RPRD1A: variants seen among roughly 807,000 people sequenced by gnomAD.
The protein encoded by RPRD1A is regulation of nuclear pre-mRNA domain containing 1A.
Under a neutral mutation model 37.8 loss-of-function variants are expected in RPRD1A, and 9 were observed. The observed-to-expected ratio is 0.24, with a 90% CI of 0.14 to 0.42. The LOEUF (loss-of-function observed/expected upper bound fraction) is 0.42, where lower values mean the gene tolerates loss of function less well. RPRD1A is among the 10% of genes least tolerant of loss of function. The pLI, the probability that RPRD1A is intolerant of heterozygous loss-of-function variation, is 1.00. For synonymous variants in RPRD1A, 138 were observed against 139.7 expected (o/e 0.99, Z 0.08); for missense variants, 255 against 371.0 (o/e 0.69, Z 2.57).
chr18:36,035,809 G>A (rs996370288), intron 1 of RPRD1A, among the ~76,000 whole-genome samples: 5 of 152,198 alleles, frequency 3.3e-5, no homozygotes, highest in Non-Finnish European at 5.9e-5. Flanking sequence ...GAATCTCCAG[G>A]ACATCATGCC....
In RPRD1A at chr18:36,027,178, T is replaced by C; in HGVS notation, c.613+6A>G. 3 of 1,613,780 alleles carry C rather than the reference T, an allele frequency of 1.9e-6. No individual in the cohort carries two copies. The highest frequency in any genetic ancestry group is 2.5e-6 in the Non-Finnish European group (3 of 1,179,764). On this transcript the variant is annotated splice_donor_region_variant and intron_variant, in intron 5 of 6. Transcript: ENST00000399022. ...AAAAGTTCTGGATCACATTTTCTTT[T>C]CTTACCTGTTATTTTATCTAATAGA... is the stretch of plus-strand genomic sequence containing the variant.
At chr18:36,038,552 T>C (rs554994783) in intron 1 of RPRD1A, among the ~76,000 whole-genome samples, 4 of 152,358 alleles carry the variant, frequency 2.6e-5, no homozygotes, top group African/African-American at 9.6e-5. Context: ...GAATCTCTGC[T>C]GGGGCAGTGC....
intron 1 of RPRD1A, among the ~76,000 whole-genome samples, chr18:36,062,537 AC>A (rs1041799870): frequency 6.6e-6 from 1 of 152,198 alleles, no homozygotes; most frequent in African/African-American, 2.4e-5. Flanking sequence ...AACAACTCGA[AC>A]GTCTATCAAC....
At chr18:36,024,843 C>T (rs1911249106) in intron 6 of RPRD1A, 1 of 152,214 alleles carries the variant, frequency 6.6e-6, no homozygotes, top group African/African-American at 2.4e-5. Context: ...TCCACATCTT[C>T]TACAAAGGAA....
intron 6 of RPRD1A, among the ~76,000 whole-genome samples, chr18:36,005,218 G>A (rs1909672116): frequency 6.6e-6 from 1 of 151,836 alleles, no homozygotes; most frequent in South Asian, 2.1e-4. Context: ...GGAGAATGGC[G>A]TGAGCCCGGG....
At chr18:36,008,577 G>GTGTGTATT in intron 6 of RPRD1A, among the ~76,000 whole-genome samples, 1 of 47,800 alleles carries the variant, frequency 2.1e-5, no homozygotes, top group Non-Finnish European at 4.3e-5. Flanking sequence ...CCTTGTGTGT[G>GTGTGTATT]TATATATATA....
rs551199850 is a variant in RPRD1A at position 36,060,889 on chromosome 18, G to A, written c.151+6365C>T. ...TGCACCTGTAGTCCCAGCTACTCGGGAGGCTGAGGCAGGAAGATCACCTGA... is the reference window on the plus strand; with the variant it reads ...TGCACCTGTAGTCCCAGCTACTCGGAAGGCTGAGGCAGGAAGATCACCTGA... On this transcript the variant is annotated intron_variant, in intron 1 of 6. Transcript: ENST00000399022. Among the ~76,000 whole-genome samples, 160 of 152,178 alleles carry A rather than the reference G, an allele frequency of 1.1e-3. 1 individual carries two copies. The highest frequency in any genetic ancestry group is 3.3e-3 in the African/African-American group (135 of 41,514).
chr18:36,024,490 T>C (rs764243250), intron 6 of RPRD1A, among the ~76,000 whole-genome samples: 10 of 152,058 alleles, frequency 6.6e-5, no homozygotes, highest in Non-Finnish European at 1.0e-4. Flanking sequence ...TAACCAACTA[T>C]AGTCAGAAGT....
chr18:36,020,310 C>T (rs1003981922), intron 6 of RPRD1A, among the ~76,000 whole-genome samples: 3 of 152,054 alleles, frequency 2.0e-5, no homozygotes, highest in South Asian at 2.1e-4. Flanking sequence ...AAAGAGTGTG[C>T]GCATCTAGGG....
At chr18:36,036,643 A>G (rs1912212137) in intron 1 of RPRD1A, among the ~76,000 whole-genome samples, 2 of 152,216 alleles carry the variant, frequency 1.3e-5, no homozygotes, top group Non-Finnish European at 2.9e-5. Flanking sequence ...TCAGGGAAAG[A>G]AATTTACTTC....
At chr18:35,998,605 A>C (rs1293536069) in intron 6 of RPRD1A, among the ~76,000 whole-genome samples, 1 of 152,072 alleles carries the variant, frequency 6.6e-6, no homozygotes, top group Non-Finnish European at 1.5e-5. Flanking sequence ...AGCAACCCTC[A>C]TGTCAGTTTC....
At chr18:36,003,405 C>A (rs1404328866) in intron 6 of RPRD1A, among the ~76,000 whole-genome samples, 2 of 152,176 alleles carry the variant, frequency 1.3e-5, no homozygotes, top group African/African-American at 4.8e-5. Context: ...ATGCAATTAA[C>A]TTTGGAAAAT....
At chr18:36,033,972 T>A in intron 1 of RPRD1A, 135 bp from the exon 2 acceptor site, 1 of 644,628 alleles carries the variant, frequency 1.6e-6, no homozygotes, top group Admixed American at 3.2e-5. Flanking sequence ...CCCTAGTCTC[T>A]CATTTTACTA....
At chr18:36,045,999 G>A (rs575275983) in intron 1 of RPRD1A, among the ~76,000 whole-genome samples, 1 of 152,276 alleles carries the variant, frequency 6.6e-6, no homozygotes, top group South Asian at 2.1e-4. Context: ...TACTGAACAT[G>A]GACTGGGCTT....
chr18:36,044,290 C>A (rs1360103171), intron 1 of RPRD1A, among the ~76,000 whole-genome samples: 1 of 152,134 alleles, frequency 6.6e-6, no homozygotes, highest in African/African-American at 2.4e-5. Flanking sequence ...GCAGTTCAAA[C>A]CCATATTGTT....
chr18:36,008,589 A>ATC (rs1555670712), intron 6 of RPRD1A, among the ~76,000 whole-genome samples: 3 of 90,820 alleles, frequency 3.3e-5, no homozygotes, highest in Admixed American at 1.3e-4. Context: ...ATATATATAT[A>ATC]TCTTTAAAAA....
At chr18:36,008,000 C>G (rs1033781954) in intron 6 of RPRD1A, among the ~76,000 whole-genome samples, 2 of 151,788 alleles carry the variant, frequency 1.3e-5, no homozygotes, top group African/African-American at 4.8e-5. Context: ...ATAGTCTCAG[C>G]CAGGAGGCTG....
intron 1 of RPRD1A, chr18:36,040,708 T>C (rs897726068): frequency 4.9e-6 from 3 of 613,760 alleles, no homozygotes; most frequent in Non-Finnish European, 8.0e-6. Flanking sequence ...CATTTTTCTA[T>C]GCAGTACCTC....
At chr18:35,997,474 T>C (rs1022173865) in intron 6 of RPRD1A, among the ~76,000 whole-genome samples, 5 of 152,176 alleles carry the variant, frequency 3.3e-5, no homozygotes, top group Non-Finnish European at 5.9e-5. Context: ...TCTTAAGAAA[T>C]GCAACATTCA....
Sources: gnomAD v4.1 joint callset for allele counts (sites outside exome capture counted in the v4.1 genomes callset) on GRCh38, gnomAD v4.1.1 for gene constraint, MANE v1.5 for transcripts, NCBI Gene and HGNC (gene_info 2026-07-23, HGNC 2026-07-21) for gene names.